Variants in LINGO2 observed in about 807,000 individuals in gnomAD.
The protein encoded by LINGO2 is leucine rich repeat and Ig domain containing 2.
A neutral mutation model predicts 30.6 loss-of-function variants in LINGO2; 14 were observed. That is an observed-to-expected ratio of 0.46 (90% confidence interval 0.30 to 0.72). The LOEUF (loss-of-function observed/expected upper bound fraction) is 0.72, where lower values mean the gene tolerates loss of function less well. Ranked by LOEUF, LINGO2 falls within the 30% of genes least tolerant of loss-of-function variation. LINGO2 has a pLI of 0.07. For missense variants in LINGO2, 729 were observed against 751.7 expected, an observed-to-expected ratio of 0.97 and a Z score of 0.35; for synonymous variants, 317 against 288.5, an observed-to-expected ratio of 1.10 and a Z score of -1.00.
At chr9:29,111,724 C>T in the LINGO2 span, among the ~76,000 whole-genome samples, 5 of 151,356 alleles carry the variant, frequency 3.3e-5, no homozygotes, top group Non-Finnish European at 7.4e-5. Context: ...GATGTCCAGA[C>T]ATCTAATTAG....
At chr9:28,145,680 C>T (rs910701598) in intron 4 of LINGO2, among the ~76,000 whole-genome samples, 1 of 151,814 alleles carries the variant, frequency 6.6e-6, no homozygotes, top group Admixed American at 6.6e-5. Context: ...CTCCTTCTCC[C>T]TCTCTCTCTC....
At chr9:28,453,759 T>G (rs1381955653) in intron 2 of LINGO2, among the ~76,000 whole-genome samples, 1 of 151,930 alleles carries the variant, frequency 6.6e-6, no homozygotes, top group African/African-American at 2.4e-5. Context: ...TTTTTGGAAC[T>G]CCTCCTTGGC....
At chr9:29,066,256 A>G in the LINGO2 span, among the ~76,000 whole-genome samples, 1 of 151,958 alleles carries the variant, frequency 6.6e-6, no homozygotes, top group East Asian at 1.9e-4. Context: ...GAATTCAGTT[A>G]ATTCTAGAAG....
chr9:28,508,112 T>C (rs570556692), intron 1 of LINGO2, among the ~76,000 whole-genome samples: 1 of 152,236 alleles, frequency 6.6e-6, no homozygotes, highest in South Asian at 2.1e-4. Context: ...CTTGGCTTTC[T>C]TATGGCACAT....
chr9:29,140,872 C>T, the LINGO2 span, among the ~76,000 whole-genome samples: 1 of 151,768 alleles, frequency 6.6e-6, no homozygotes, highest in Non-Finnish European at 1.5e-5. Context: ...TAAAATGATA[C>T]ATTCAAAGTA....
the LINGO2 span, among the ~76,000 whole-genome samples, chr9:28,890,142 A>G: frequency 6.6e-6 from 1 of 152,034 alleles, no homozygotes; most frequent in Non-Finnish European, 1.5e-5. Flanking sequence ...AAGAGGTTTA[A>G]TTTTTAAGTC....
chr9:28,788,607 G>A, the LINGO2 span, among the ~76,000 whole-genome samples: 1 of 152,142 alleles, frequency 6.6e-6, no homozygotes, highest in African/African-American at 2.4e-5. Context: ...CATGGCTGGG[G>A]AGGCCTCAGG....
At chr9:28,043,870 C>T (rs145668477) in intron 4 of LINGO2, among the ~76,000 whole-genome samples, 24 of 152,240 alleles carry the variant, frequency 1.6e-4, no homozygotes, top group Admixed American at 7.9e-4. Flanking sequence ...ATCAAGTATC[C>T]GTTTAGTCAA....
chr9:28,261,165 T>C (rs1265342020), intron 4 of LINGO2, among the ~76,000 whole-genome samples: 1 of 152,014 alleles, frequency 6.6e-6, no homozygotes, highest in Non-Finnish European at 1.5e-5. Flanking sequence ...TATAACATGG[T>C]AATTTTAAAA....
At chr9:28,043,722 TC>T (rs1365154836) in intron 4 of LINGO2, among the ~76,000 whole-genome samples, 2 of 152,252 alleles carry the variant, frequency 1.3e-5, no homozygotes, top group Middle Eastern at 6.8e-3. Flanking sequence ...ACCTTTCTTG[TC>T]CCCACCCAAT....
the LINGO2 span, among the ~76,000 whole-genome samples, chr9:29,138,690 G>T: frequency 8.5e-5 from 13 of 152,254 alleles, no homozygotes; most frequent in East Asian, 1.9e-3. Flanking sequence ...TATGAGGCAG[G>T]CATCATTACC....
chr9:28,036,004 A>T (rs1173884253), intron 4 of LINGO2, among the ~76,000 whole-genome samples: 1 of 152,178 alleles, frequency 6.6e-6, no homozygotes, highest in East Asian at 1.9e-4. Flanking sequence ...TTATTGTTGG[A>T]ATAGTAGATA....
At chr9:28,018,125 T>C (rs2119330079) in intron 4 of LINGO2, among the ~76,000 whole-genome samples, 2 of 152,192 alleles carry the variant, frequency 1.3e-5, no homozygotes, top group South Asian at 4.2e-4. Flanking sequence ...ACCTAGTCAA[T>C]AAATGGTGCT....
chr9:28,561,762 T>C lies in LINGO2; in HGVS notation c.-364-85737A>G, dbSNP rs1443761408. Among the ~76,000 whole-genome samples, 9 of 134,042 alleles carry C rather than the reference T, an allele frequency of 6.7e-5. 3 individuals carry two copies. Among genetic ancestry groups the C allele is most frequent in the Middle Eastern group, 3.8e-3 (1 of 264 alleles). 87.9% of individuals were successfully genotyped at this position (134,042 alleles called of 152,430 possible). A position where few individuals can be genotyped will look rare whatever the true frequency, so the allele number is the denominator to read the frequency against. On this transcript the variant is annotated intron_variant, in intron 1 of 5. Coordinates refer to ENST00000379992, the Ensembl canonical transcript of LINGO2. The stretch of plus-strand genomic sequence containing the variant: ...GTGTGTGTGTGTGTATATATATATA[T>C]ATATATATATATATATATAAAAAAT...
At chr9:28,675,905 GTATA>G in the LINGO2 span, among the ~76,000 whole-genome samples, 112 of 126,058 alleles carry the variant, frequency 8.9e-4, 1 homozygote, top group African/African-American at 2.6e-3. Flanking sequence ...GTGTGTGTAT[GTATA>G]TATATATATA....
intron 4 of LINGO2, among the ~76,000 whole-genome samples, chr9:28,169,768 A>G (rs1828530412): frequency 6.6e-6 from 1 of 152,216 alleles, no homozygotes; most frequent in Non-Finnish European, 1.5e-5. Context: ...ACAGTGGGGT[A>G]AAGAATATGC....
At chr9:28,979,610 T>C in the LINGO2 span, among the ~76,000 whole-genome samples, 9 of 152,252 alleles carry the variant, frequency 5.9e-5, no homozygotes, top group African/African-American at 2.2e-4. Flanking sequence ...TATGCTGATG[T>C]CTAGATTGAA....
intron 5 of LINGO2, among the ~76,000 whole-genome samples, chr9:28,005,926 T>C (rs1193091812): frequency 6.6e-6 from 1 of 152,146 alleles, no homozygotes; most frequent in Non-Finnish European, 1.5e-5. Context: ...AAGCCATTAA[T>C]GGATTCAGAG....
chr9:28,567,722 C>T (rs1490115697), intron 1 of LINGO2, among the ~76,000 whole-genome samples: 5 of 151,796 alleles, frequency 3.3e-5, no homozygotes, highest in African/African-American at 9.7e-5. Context: ...GTGACGGGTT[C>T]ATTAGAAGCA....
Sources: allele counts gnomAD v4.1 joint callset (sites outside exome capture counted in the v4.1 genomes callset), GRCh38; gene constraint gnomAD v4.1.1; transcripts MANE v1.5; gene names NCBI Gene and HGNC (gene_info 2026-07-23, HGNC 2026-07-21).